Variants in SYTL5 observed in about 807,000 individuals in gnomAD.
SYTL5 encodes the protein synaptotagmin-like protein 5.
Under a neutral mutation model 55.9 loss-of-function variants are expected in SYTL5, and 34 were observed. The ratio of observed to expected loss-of-function variants is 0.61; its 90% CI spans 0.46 to 0.81. The LOEUF (loss-of-function observed/expected upper bound fraction) is 0.81. Ranked by LOEUF, SYTL5 falls within the 30% of genes least tolerant of loss-of-function variation. SYTL5 has a pLI of 0.00. For missense variants in SYTL5, 637 were observed against 546.7 expected (o/e 1.17, Z -1.65); for synonymous variants, 221 against 188.7 (o/e 1.17, Z -1.40).
chrX:38,109,007 C>T (rs903869251), intron 12 of SYTL5, among the ~76,000 whole-genome samples: 4 of 112,135 alleles, frequency 3.6e-5, no homozygotes, highest in Non-Finnish European at 7.5e-5. Flanking sequence ...GCAAACAGTG[C>T]TTTTTCTGAC....
At chrX:37,909,148 A>G in the SYTL5 span, among the ~76,000 whole-genome samples, 2 of 111,269 alleles carry the variant, frequency 1.8e-5, no homozygotes, top group African/African-American at 6.5e-5. Flanking sequence ...TCCCTAGCAC[A>G]CACACACACA....
intron 2 of SYTL5, among the ~76,000 whole-genome samples, chrX:38,049,757 A>C (rs1343566897): frequency 8.9e-6 from 1 of 112,247 alleles, no homozygotes; most frequent in African/African-American, 3.2e-5. Flanking sequence ...GAAGAAAGGG[A>C]GAACAGATAT....
At chrX:37,932,506 G>C in the SYTL5 span, among the ~76,000 whole-genome samples, 1 of 111,589 alleles carries the variant, frequency 9.0e-6, no homozygotes, top group Non-Finnish European at 1.9e-5. Context: ...TTGAAAAGGA[G>C]AACAAATAAA....
At chrX:37,904,696 T>C in the SYTL5 span, among the ~76,000 whole-genome samples, 4 of 111,105 alleles carry the variant, frequency 3.6e-5, no homozygotes, top group Non-Finnish European at 7.5e-5. Flanking sequence ...TCTCAGTTTA[T>C]AATGGTATAA....
At chrX:38,008,498 C>A (rs909302314) in intron 1 of SYTL5, among the ~76,000 whole-genome samples, 2 of 111,456 alleles carry the variant, frequency 1.8e-5, no homozygotes, top group African/African-American at 6.5e-5. Flanking sequence ...CTGTTACTTG[C>A]AGAGTTAGCA....
chrX:37,902,536 G>A, the SYTL5 span, among the ~76,000 whole-genome samples: 2 of 112,291 alleles, frequency 1.8e-5, no homozygotes, highest in Non-Finnish European at 3.8e-5. Flanking sequence ...TTTGAAAAAT[G>A]AGAGATTTTT....
Position 38,102,560 on chromosome X carries a change from T to C in SYTL5, c.1155+126T>C, listed in dbSNP as rs41298456. The C allele has an allele frequency of 7.7e-3, 3,858 of 499,592 alleles. 19 individuals are homozygous for C. The highest frequency in any genetic ancestry group is 0.011 in the Non-Finnish European group (3,285 of 289,771). The allele number at this position is 499,592 out of a possible 1,213,427, so 41.2% of individuals were successfully genotyped here. A position where few individuals can be genotyped will look rare whatever the true frequency, so the allele number is the denominator to read the frequency against. ...TAATGAGTTAAAAGTCATTGTAAGA[T>C]CCTGCTTGCCCTTTGCCCACAGAGT... On this transcript the variant is annotated intron_variant, in intron 10 of 16. Coordinates refer to ENST00000297875, the MANE Select transcript of SYTL5 (RefSeq NM_138780.3).
At chrX:37,931,850 G>A in the SYTL5 span, among the ~76,000 whole-genome samples, 3 of 111,281 alleles carry the variant, frequency 2.7e-5, no homozygotes, top group South Asian at 1.1e-3. Context: ...CTCAATTTGA[G>A]TTGACTAAAT....
At chrX:38,013,458 G>C (rs1356991422) in intron 1 of SYTL5, among the ~76,000 whole-genome samples, 1 of 111,725 alleles carries the variant, frequency 9.0e-6, no homozygotes, top group Admixed American at 9.5e-5. Context: ...TGTAGGTTCA[G>C]TACTGCTCCT....
At chrX:38,121,835 A>G (rs1363714507) in intron 14 of SYTL5, among the ~76,000 whole-genome samples, 4 of 112,730 alleles carry the variant, frequency 3.5e-5, no homozygotes, top group Non-Finnish European at 7.5e-5. Flanking sequence ...GGGAGTGTTT[A>G]AAGTTTTAAA....
intron 10 of SYTL5, 82 bp downstream of exon 10, chrX:38,102,516 T>G (rs1160152482): frequency 1.4e-6 from 1 of 690,922 alleles, no homozygotes; most frequent in Non-Finnish European, 2.3e-6. Context: ...GATATGAATG[T>G]TCTTAGGAAA....
chrX:37,965,673 T>G, the SYTL5 span, among the ~76,000 whole-genome samples: 2 of 112,301 alleles, frequency 1.8e-5, no homozygotes, highest in Admixed American at 1.9e-4. Context: ...ATTTTTTCGT[T>G]TGGATATTCT....
chrX:38,019,383 T>C (rs1218499730), intron 1 of SYTL5, among the ~76,000 whole-genome samples: 1 of 111,977 alleles, frequency 8.9e-6, no homozygotes, highest in Non-Finnish European at 1.9e-5. Context: ...GGACTAGTTG[T>C]GTGTTCTTAT....
At chrX:38,100,469 C>T (rs1489039637) in intron 9 of SYTL5, among the ~76,000 whole-genome samples, 1 of 111,144 alleles carries the variant, frequency 9.0e-6, no homozygotes, top group African/African-American at 3.3e-5. Flanking sequence ...TTACCATAAA[C>T]CAATATAAAA....
At chrX:38,124,022 T>C (rs1937600822) in intron 15 of SYTL5, among the ~76,000 whole-genome samples, 1 of 111,302 alleles carries the variant, frequency 9.0e-6, no homozygotes, top group Non-Finnish European at 1.9e-5. Flanking sequence ...GAAGGTAAGG[T>C]CCCCAGTGCA....
chrX:37,892,866 C>G, the SYTL5 span, among the ~76,000 whole-genome samples: 2 of 84,873 alleles, frequency 2.4e-5, no homozygotes, highest in African/African-American at 8.8e-5. Flanking sequence ...ACACTCTATA[C>G]TATATATGTA....
intron 3 of SYTL5, among the ~76,000 whole-genome samples, chrX:38,059,119 G>T (rs745569033): frequency 2.7e-5 from 3 of 111,305 alleles, no homozygotes; most frequent in Non-Finnish European, 5.7e-5. Context: ...GTGTTTTTCA[G>T]GTTTAGAATT....
In SYTL5 at chrX:38,125,483, G is replaced by A. The variant is rs1937623332; in HGVS notation, c.2027G>A (p.Gly676Glu). 8.3e-7 allele frequency: 1 copy of A among 1,211,073 alleles called. No homozygotes were observed. The highest frequency in any genetic ancestry group is 1.1e-6 in the Non-Finnish European group (1 of 894,912). Residue 676 changes from glycine (G) to glutamate (E), a missense_variant, in exon 16 of 17, where the codon GGA (glycine) becomes GAA (glutamate). Gly to Glu is a moderately conservative substitution (Grantham distance 98). Transcript: ENST00000297875. ...EAFSSNIFLG[G>E]VRLNSGSGVS... ...TTTTCCAGCAACATCTTTCTGGGAG[G>A]AGTTCGTTTGAATTCTGGAAGTGGT...
the SYTL5 span, among the ~76,000 whole-genome samples, chrX:37,957,967 G>A: frequency 1.1e-4 from 12 of 111,963 alleles, no homozygotes; most frequent in Non-Finnish European, 2.1e-4. Flanking sequence ...CCAGCACTTT[G>A]GGAGGCCAAT....
Sources: gnomAD v4.1 joint callset for allele counts (sites outside exome capture counted in the v4.1 genomes callset) on GRCh38, gnomAD v4.1.1 for gene constraint, MANE v1.5 for transcripts, NCBI Gene and HGNC (gene_info 2026-07-23, HGNC 2026-07-21) for gene names.